The following METTL8 variants were observed in gnomAD, a reference collection of about 807,000 sequenced individuals.
METTL8 encodes tRNA N(3)-cytidine methyltransferase METTL8, mitochondrial.
Under a neutral mutation model 48.7 loss-of-function variants are expected in METTL8, and 32 were observed. That is an observed-to-expected ratio of 0.66 (90% confidence interval 0.50 to 0.88). The LOEUF (loss-of-function observed/expected upper bound fraction) is 0.88. METTL8 is among the 40% of genes least tolerant of loss of function. The probability of loss-of-function intolerance (pLI) is 0.00; values close to 1 mark genes in which losing one functional copy is unlikely to be tolerated. For missense variants in METTL8, 464 were observed against 474.4 expected, an observed-to-expected ratio of 0.98 and a Z score of 0.20; for synonymous variants, 136 against 157.1, an observed-to-expected ratio of 0.87 and a Z score of 1.01.
intron 1 of METTL8, among the ~76,000 whole-genome samples, chr2:171,426,847 C>T (rs1448117343): frequency 3.3e-5 from 5 of 152,186 alleles, no homozygotes; most frequent in Non-Finnish European, 7.3e-5. Context: ...GATGCTGCAG[C>T]CAAGTATCTG....
At chr2:171,421,755 T>G (rs895979169) in intron 1 of METTL8, among the ~76,000 whole-genome samples, 1 of 152,134 alleles carries the variant, frequency 6.6e-6, no homozygotes, top group African/African-American at 2.4e-5. Context: ...AGGGCCAACT[T>G]TTCATATACT....
intron 5 of METTL8, among the ~76,000 whole-genome samples, chr2:171,336,941 C>T (rs896362572): frequency 9.6e-5 from 13 of 135,434 alleles, no homozygotes; most frequent in Non-Finnish European, 1.8e-4. Context: ...GCAGTCGGGT[C>T]ACTGCAAACT....
At position 171,395,104 on chromosome 2, in the gene METTL8, C is replaced by G. The variant is rs954133580; in HGVS notation, c.-12-2907G>C. ...GGTAGAAAAAGTAGGTTTCTGCCAC[C>G]AGAATGACCCAATCCCTTTATGTAC... On this transcript the variant is annotated intron_variant, in intron 1 of 9. Coordinates refer to ENST00000375258, the MANE Select transcript of METTL8 (RefSeq NM_001321154.2). Among the ~76,000 whole-genome samples, 11 of 152,184 alleles carry G rather than the reference C, an allele frequency of 7.2e-5. No homozygotes were observed. In the East Asian group the frequency reaches 7.7e-4, roughly 11 times the overall value.
At chr2:171,362,280 A>C (rs1390236736) in intron 2 of METTL8, among the ~76,000 whole-genome samples, 1 of 152,148 alleles carries the variant, frequency 6.6e-6, no homozygotes, top group East Asian at 1.9e-4. Context: ...AACAGGAAGG[A>C]AAGGGGGAGA....
At chr2:171,406,478 T>A (rs1340966557) in intron 1 of METTL8, among the ~76,000 whole-genome samples, 3 of 152,220 alleles carry the variant, frequency 2.0e-5, no homozygotes, top group African/African-American at 7.2e-5. Flanking sequence ...GCTGGCTGAT[T>A]TGGTTCCTGG....
intron 1 of METTL8, among the ~76,000 whole-genome samples, chr2:171,411,680 T>TA (rs1358077361): frequency 1.3e-5 from 2 of 152,200 alleles, no homozygotes; most frequent in African/African-American, 2.4e-5. Flanking sequence ...CCAGATGAGT[T>TA]AAACTTTTAA....
chr2:171,360,656 G>A (rs1685068659), intron 2 of METTL8, 143 bp from the exon 3 acceptor site: 2 of 681,332 alleles, frequency 2.9e-6, no homozygotes, highest in Admixed American at 2.9e-5. Flanking sequence ...TACATTTTGT[G>A]TAAGATGTTC....
chr2:171,333,238 A>G (rs943038113), intron 5 of METTL8, among the ~76,000 whole-genome samples: 2 of 151,900 alleles, frequency 1.3e-5, no homozygotes, highest in Non-Finnish European at 2.9e-5. Context: ...AGCTGGGATT[A>G]CAGGCATGTG....
chr2:171,380,543 C>A (rs1258135461), intron 2 of METTL8, among the ~76,000 whole-genome samples: 1 of 152,196 alleles, frequency 6.6e-6, no homozygotes, highest in Non-Finnish European at 1.5e-5. Flanking sequence ...TAAACAACTT[C>A]AGCAAAGTCT....
At chr2:171,403,251 C>T (rs1320310702) in intron 1 of METTL8, among the ~76,000 whole-genome samples, 4 of 152,082 alleles carry the variant, frequency 2.6e-5, no homozygotes, top group Admixed American at 2.0e-4. Context: ...AAGGTTAACA[C>T]GAACAGTGAT....
chr2:171,363,267 A>G (rs1388675018), intron 2 of METTL8, among the ~76,000 whole-genome samples: 2 of 152,066 alleles, frequency 1.3e-5, no homozygotes, highest in African/African-American at 4.8e-5. Flanking sequence ...AGAAACCTAT[A>G]AAATGTTCCT....
intron 5 of METTL8, 32 bp downstream of exon 5, chr2:171,337,421 A>C (rs1686235067): frequency 1.3e-6 from 2 of 1,518,602 alleles, no homozygotes; most frequent in East Asian, 4.6e-5. Context: ...AAATATGTAA[A>C]ATTCTGTAGA....
chr2:171,325,009 C>A (rs2105383354), intron 9 of METTL8, among the ~76,000 whole-genome samples: 1 of 142,064 alleles, frequency 7.0e-6, no homozygotes, highest in South Asian at 2.2e-4. Context: ...GTAATCCCAG[C>A]TACTTGGGAG....
chr2:171,362,246 A>G (rs1036345604), intron 2 of METTL8, among the ~76,000 whole-genome samples: 9 of 152,162 alleles, frequency 5.9e-5, no homozygotes, highest in Admixed American at 3.3e-4. Context: ...AATGAGTCCC[A>G]TGACTAAAGT....
At chr2:171,422,290 AAAT>A (rs1691953599) in intron 1 of METTL8, among the ~76,000 whole-genome samples, 1 of 152,216 alleles carries the variant, frequency 6.6e-6, no homozygotes, top group African/African-American at 2.4e-5. Flanking sequence ...CATATACAAA[AAAT>A]AATAATAATG....
Position 171,368,165 on chromosome 2 carries a change from T to G in METTL8, c.144-7652A>C, listed in dbSNP as rs1237048734. On this transcript the variant is annotated intron_variant, in intron 2 of 9. Transcript: ENST00000375258. Reference sequence around the variant, plus strand: ...TGCTGATTGATGAAGCAGTAAAAACTATTAATTTTATGAAATATTGACCCT... The same window carrying G: ...TGCTGATTGATGAAGCAGTAAAAACGATTAATTTTATGAAATATTGACCCT... 2.6e-5 allele frequency among the ~76,000 whole-genome samples: 4 copies of G among 152,226 alleles called. No homozygotes were observed. In the East Asian group the frequency reaches 5.8e-4, roughly 22 times the overall value.
In METTL8 at chr2:171,322,022, G is replaced by C. The variant is rs1284097400; in HGVS notation, c.*2150C>G. 4 of 151,382 alleles carry C rather than the reference G, an allele frequency of 2.6e-5. No individual in the cohort carries two copies. Among genetic ancestry groups the C allele is most frequent in the African/African-American group, 9.7e-5 (4 of 41,120 alleles). 9.4% of individuals were successfully genotyped at this position (151,382 alleles called of 1,614,324 possible). A position where few individuals can be genotyped will look rare whatever the true frequency, so the allele number is the denominator to read the frequency against. On this transcript the variant is annotated 3_prime_UTR_variant, in exon 10 of 10. Transcript: ENST00000375258. ...CTGTCACCCAGGCTGGAGGGCAGTG[G>C]TGTCATCTCGGCTCACTGCAACCTC...
chr2:171,360,900 C>T (rs1459468677), intron 2 of METTL8, among the ~76,000 whole-genome samples: 3 of 152,232 alleles, frequency 2.0e-5, no homozygotes, highest in Admixed American at 2.0e-4. Context: ...AAATGCTCCT[C>T]TTACAACACT....
intron 2 of METTL8, among the ~76,000 whole-genome samples, chr2:171,377,917 AC>A (rs1314400229): frequency 6.6e-6 from 1 of 152,344 alleles, no homozygotes; most frequent in African/African-American, 2.4e-5. Context: ...ATGGAAAAAA[AC>A]AAAACAAAAC....
Sources: allele counts gnomAD v4.1 joint callset (sites outside exome capture counted in the v4.1 genomes callset), GRCh38; gene constraint gnomAD v4.1.1; transcripts MANE v1.5; gene names NCBI Gene and HGNC (gene_info 2026-07-23, HGNC 2026-07-21).